Variants in SH3GL1 observed in about 807,000 individuals in gnomAD.
The protein encoded by SH3GL1 is endophilin-A2.
A neutral mutation model predicts 48.8 loss-of-function variants in SH3GL1; 21 were observed. The observed-to-expected ratio is 0.43, with a 90% CI of 0.30 to 0.62. The LOEUF is 0.62. Ranked by LOEUF, SH3GL1 falls within the 20% of genes least tolerant of loss-of-function variation. SH3GL1 has a pLI of 0.11. For synonymous variants in SH3GL1, 282 were observed against 217.5 expected (o/e 1.30, Z -2.61); for missense variants, 454 against 503.0 (o/e 0.90, Z 0.93).
chr19:4,396,767 T>C (rs938412142), intron 1 of SH3GL1, among the ~76,000 whole-genome samples: 3 of 152,164 alleles, frequency 2.0e-5, no homozygotes, highest in Admixed American at 6.5e-5. Flanking sequence ...CACCGGAGGA[T>C]GTCCAGCAAT....
Position 4,361,247 on chromosome 19 carries a change from G to A in SH3GL1, c.*353C>T, listed in dbSNP as rs1972601030. On this transcript the variant is annotated 3_prime_UTR_variant, in exon 10 of 10. Coordinates refer to ENST00000269886, the MANE Select transcript of SH3GL1 (RefSeq NM_003025.4). Reference sequence around the variant, plus strand: ...CCCCCGTCGGGTCAGGACGGAGGTGGGGGCTGCCCCAGAGGAACATTAGTG... The same window carrying A: ...CCCCCGTCGGGTCAGGACGGAGGTGAGGGCTGCCCCAGAGGAACATTAGTG... 1 of 356,558 alleles carries A rather than the reference G, an allele frequency of 2.8e-6. No homozygotes were observed. The highest frequency in any genetic ancestry group is 4.1e-5 in the South Asian group (1 of 24,674). The allele number at this position is 356,558 out of a possible 1,614,324, so 22.1% of individuals were successfully genotyped here.
Position 4,364,054 on chromosome 19 carries a change from A to G in SH3GL1, c.465+34T>C. On this transcript the variant is annotated intron_variant, in intron 5 of 9. Transcript: ENST00000269886. Reference sequence around the variant, plus strand: ...GGGGCTGCCCCATCCGGCAGGGGGAAGGGACAGGCCCCAGGCTGGCGCAGG... The same window carrying G: ...GGGGCTGCCCCATCCGGCAGGGGGAGGGGACAGGCCCCAGGCTGGCGCAGG... The G allele has an allele frequency of 3.7e-6, 6 of 1,611,386 alleles. No homozygotes were observed. The South Asian group carries it at 6.6e-5, about 18-fold the overall frequency.
Position 4,389,731 on chromosome 19 carries a change from G to A in SH3GL1, c.45+10593C>T, listed in dbSNP as rs1973301371. Among the ~76,000 whole-genome samples, 1 of 152,188 alleles carries A rather than the reference G, an allele frequency of 6.6e-6. No individual in the cohort carries two copies. The highest frequency in any genetic ancestry group is 2.4e-5 in the African/African-American group (1 of 41,450). On this transcript the variant is annotated intron_variant, in intron 1 of 9. Transcript: ENST00000269886. The surrounding 1 kb of genome is among the most constrained non-coding windows in gnomAD (Gnocchi z 4.5). Reference sequence around the variant, plus strand: ...CATGTGATATTTACCGGCTCCCTGGGGCAGGCCAGCCAGTAAACCAAACAC... The same window carrying A: ...CATGTGATATTTACCGGCTCCCTGGAGCAGGCCAGCCAGTAAACCAAACAC...
chr19:4,392,721 C>T (rs867990487), intron 1 of SH3GL1, among the ~76,000 whole-genome samples: 2 of 151,744 alleles, frequency 1.3e-5, no homozygotes, highest in African/African-American at 4.8e-5. Context: ...CCAAGGCGGG[C>T]GGATCACCTG....
chr19:4,368,607 G>C (rs906416368), intron 1 of SH3GL1, among the ~76,000 whole-genome samples: 3 of 152,182 alleles, frequency 2.0e-5, no homozygotes, highest in Non-Finnish European at 4.4e-5. Context: ...CCCACACCAC[G>C]GGACTGTCCT....
intron 6 of SH3GL1, 92 bp from the exon 7 acceptor site, chr19:4,363,565 GC>G: frequency 3.4e-6 from 5 of 1,450,270 alleles, no homozygotes; most frequent in Non-Finnish European, 4.8e-6. Context: ...AGGCAAGGGG[GC>G]TGAGAGGGGA....
rs146700360 is a variant in SH3GL1 at position 4,378,434 on chromosome 19, G to A, written c.46-11440C>T. ...TGCTTTAGAAACTACACACCACCAG[G>A]CCAGGTGCGGTGGCTCACACCTGTA... On this transcript the variant is annotated intron_variant, in intron 1 of 9. Transcript: ENST00000269886. Among the ~76,000 whole-genome samples, 53 of 152,254 alleles carry A rather than the reference G, an allele frequency of 3.5e-4. No individual in the cohort carries two copies. The East Asian group carries it at 8.5e-3, about 24-fold the overall frequency.
rs755948226 is a variant in SH3GL1 at position 4,367,018 on chromosome 19, G to T, written c.46-24C>A. The T allele has an allele frequency of 2.5e-6, 4 of 1,610,424 alleles. No individual in the cohort carries two copies. Among genetic ancestry groups the T allele is most frequent in the Non-Finnish European group, 3.4e-6 (4 of 1,176,692 alleles). On this transcript the variant is annotated intron_variant, in intron 1 of 9. Coordinates refer to ENST00000269886, the MANE Select transcript of SH3GL1 (RefSeq NM_003025.4). This position sits in a 1 kb window ranked among gnomAD's most constrained non-coding sequence, Gnocchi z 4.2. ...AGCTAGAGGACAGAAGAGGGGAAAC[G>T]CTGTGAGCCCAGGGGTAGGAGGAAG...
chr19:4,369,097 A>AG (rs2144873874), intron 1 of SH3GL1, among the ~76,000 whole-genome samples: 1 of 152,078 alleles, frequency 6.6e-6, no homozygotes, highest in Non-Finnish European at 1.5e-5. Flanking sequence ...GAAAAAAAAA[A>AG]TCACCTCGTC....
intron 5 of SH3GL1, 31 bp downstream of exon 5, chr19:4,364,057 G>A (rs777716604): frequency 2.5e-5 from 41 of 1,611,484 alleles, no homozygotes; most frequent in Admixed American, 2.0e-4. Flanking sequence ...AGGGGGAAGG[G>A]ACAGGCCCCA....
In SH3GL1 at chr19:4,367,537, G is replaced by A. The variant is rs1004227663; in HGVS notation, c.46-543C>T. 7.9e-5 allele frequency among the ~76,000 whole-genome samples: 12 copies of A among 152,130 alleles called. No individual in the cohort carries two copies. Among genetic ancestry groups the A allele is most frequent in the Admixed American group, 4.6e-4 (7 of 15,274 alleles). On this transcript the variant is annotated intron_variant, in intron 1 of 9. Coordinates refer to ENST00000269886, the MANE Select transcript of SH3GL1 (RefSeq NM_003025.4). This position sits in a 1 kb window ranked among gnomAD's most constrained non-coding sequence, Gnocchi z 4.2. The stretch of plus-strand genomic sequence containing the variant: ...GCCATTCTCCTGTGCTCTGGTGCCC[G>A]TGTCTGCAGGATGGGACAGCCCAGC...
intron 1 of SH3GL1, among the ~76,000 whole-genome samples, chr19:4,386,465 G>A (rs1973236904): frequency 6.9e-6 from 1 of 144,552 alleles, no homozygotes; most frequent in South Asian, 2.2e-4. Flanking sequence ...CTTGGGTGAT[G>A]TTTGGGAACT....
chr19:4,367,881 C>T lies in SH3GL1; in HGVS notation c.46-887G>A, dbSNP rs1395544348. Among the ~76,000 whole-genome samples the T allele has an allele frequency of 1.3e-5, 2 of 152,184 alleles. No individual in the cohort carries two copies. Among genetic ancestry groups the T allele is most frequent in the Non-Finnish European group, 2.9e-5 (2 of 68,042 alleles). Reference sequence around the variant, plus strand: ...ATGTGTGCCTGGCGCCAAGGGATGCCGCACAGAGTGAGGATGGACAGTGTG... The same window carrying T: ...ATGTGTGCCTGGCGCCAAGGGATGCTGCACAGAGTGAGGATGGACAGTGTG... On this transcript the variant is annotated intron_variant, in intron 1 of 9. Transcript: ENST00000269886. The surrounding 1 kb of genome is among the most constrained non-coding windows in gnomAD (Gnocchi z 4.2).
Position 4,375,108 on chromosome 19 carries a change from G to A in SH3GL1, c.46-8114C>T, listed in dbSNP as rs917774940. On this transcript the variant is annotated intron_variant, in intron 1 of 9. Transcript: ENST00000269886. Reference sequence around the variant, plus strand: ...ACGAGACCCACCTGCCCCTCCATGCGTGGGGGAGAAGGGGTGCCCTCTGCT... The same window carrying A: ...ACGAGACCCACCTGCCCCTCCATGCATGGGGGAGAAGGGGTGCCCTCTGCT... Among the ~76,000 whole-genome samples the A allele has an allele frequency of 1.4e-4, 21 of 152,200 alleles. 1 individual carries two copies. The highest frequency in any genetic ancestry group is 1.2e-3 in the Admixed American group (19 of 15,290).
chr19:4,385,450 C>T (rs373142243), intron 1 of SH3GL1, among the ~76,000 whole-genome samples: 155 of 152,286 alleles, frequency 1.0e-3, no homozygotes, highest in African/African-American at 3.5e-3. Flanking sequence ...AGGAGGGCGA[C>T]CCCCTACCGG....
chr19:4,364,384 C>T (rs1972714266), intron 4 of SH3GL1, 163 bp from the exon 5 acceptor site: 1 of 818,922 alleles, frequency 1.2e-6, no homozygotes. Context: ...ATGCTGGCAC[C>T]TCAGCCTCCC....
chr19:4,370,663 C>T lies in SH3GL1; in HGVS notation c.46-3669G>A, dbSNP rs773914492. On this transcript the variant is annotated intron_variant, in intron 1 of 9. Transcript: ENST00000269886. ...CTCCCCATGCCTGGAACAAACAGGC[C>T]GAGCCCAAGAGGGAACAGTCTCCAA... 1.3e-5 allele frequency among the ~76,000 whole-genome samples: 2 copies of T among 152,350 alleles called. 1 individual carries two copies. The highest frequency in any genetic ancestry group is 4.1e-4 in the South Asian group (2 of 4,832).
intron 1 of SH3GL1, among the ~76,000 whole-genome samples, chr19:4,379,041 G>A (rs532408437): frequency 3.2e-4 from 49 of 152,344 alleles, no homozygotes; most frequent in African/African-American, 1.1e-3. Context: ...CGCCCAGAGC[G>A]CCTCCAGATC....
Position 4,363,844 on chromosome 19 carries a change from T to C in SH3GL1, c.500A>G (p.Asp167Gly), listed in dbSNP as rs1276295040. The C allele has an allele frequency of 3.1e-6, 5 of 1,612,994 alleles. No homozygotes were observed. In the Admixed American group the frequency reaches 8.3e-5, roughly 27 times the overall value. ...HLKKLEGRRL[D>G]FDYKKKRQGK... is the part of the protein sequence containing the mutation. ...CTGCCGCTTCTTCTTGTAGTCAAAG[T>C]CCAGGCGGCGGCCCTCCAGTTTCTT... The change falls in exon 6 of 10, where the codon GAC becomes GGC. Residue 167 changes from aspartate (D) to glycine (G), a missense_variant. Coordinates refer to ENST00000269886, the MANE Select transcript of SH3GL1 (RefSeq NM_003025.4).
Sources: gnomAD v4.1 joint callset for allele counts (sites outside exome capture counted in the v4.1 genomes callset) on GRCh38, gnomAD v4.1.1 for gene constraint, Gnocchi (gnomAD v3.1) non-coding constraint, MANE v1.5 for transcripts, NCBI Gene and HGNC (gene_info 2026-07-23, HGNC 2026-07-21) for gene names.